Variants in CYP7B1 observed in about 807,000 individuals in gnomAD.
CYP7B1 encodes the protein cytochrome P450 family 7 subfamily B member 1.
CYP7B1 carries 29 observed loss-of-function variants against 42.7 expected under a neutral mutation model. The ratio of observed to expected loss-of-function variants is 0.68; its 90% CI spans 0.51 to 0.93. CYP7B1 has a LOEUF of 0.93. Ranked by LOEUF, CYP7B1 falls within the 40% of genes least tolerant of loss-of-function variation. CYP7B1 has a pLI of 0.00. For missense variants in CYP7B1, 655 were observed against 600.5 expected, an observed-to-expected ratio of 1.09 and a Z score of -0.95; for synonymous variants, 235 against 218.2, an observed-to-expected ratio of 1.08 and a Z score of -0.68.
intron 1 of CYP7B1, among the ~76,000 whole-genome samples, chr8:64,731,838 A>T (rs1807415666): frequency 6.6e-6 from 1 of 152,238 alleles, no homozygotes; most frequent in African/African-American, 2.4e-5. Flanking sequence ...GAGCCAAGTT[A>T]CAGCTCAGGC....
intron 1 of CYP7B1, among the ~76,000 whole-genome samples, chr8:64,669,757 C>T (rs552545328): frequency 2.0e-5 from 3 of 151,418 alleles, no homozygotes; most frequent in Non-Finnish European, 3.0e-5. Context: ...ATACACACAC[C>T]CCTCCCCAGC....
At chr8:64,673,322 T>C (rs1276869600) in intron 1 of CYP7B1, among the ~76,000 whole-genome samples, 1 of 152,182 alleles carries the variant, frequency 6.6e-6, no homozygotes, top group Non-Finnish European at 1.5e-5. Flanking sequence ...GCTTTTGCCA[T>C]GTCCCTGTTT....
intron 1 of CYP7B1, among the ~76,000 whole-genome samples, chr8:64,778,053 T>C (rs1473982270): frequency 6.6e-6 from 1 of 151,664 alleles, no homozygotes. Flanking sequence ...TCAAAAGTCC[T>C]TACCCTTCTT....
At chr8:64,735,167 T>A (rs561271380) in intron 1 of CYP7B1, among the ~76,000 whole-genome samples, 8 of 152,184 alleles carry the variant, frequency 5.3e-5, no homozygotes, top group Admixed American at 6.5e-5. Flanking sequence ...TCCCTCAATA[T>A]CTATATATTT....
intron 2 of CYP7B1, among the ~76,000 whole-genome samples, chr8:64,619,348 C>T (rs554315165): frequency 5.2e-4 from 79 of 152,296 alleles, no homozygotes; most frequent in Admixed American, 1.2e-3. Context: ...TGTCAGCAGG[C>T]ATGTTACCTA....
At chr8:64,688,997 T>G (rs969541949) in intron 1 of CYP7B1, among the ~76,000 whole-genome samples, 10 of 152,228 alleles carry the variant, frequency 6.6e-5, no homozygotes, top group Admixed American at 3.3e-4. Flanking sequence ...CGTCTGCCAT[T>G]AAGTTTAAAT....
intron 1 of CYP7B1, among the ~76,000 whole-genome samples, chr8:64,689,814 C>T (rs920098716): frequency 2.6e-5 from 4 of 152,114 alleles, no homozygotes; most frequent in Non-Finnish European, 5.9e-5. Context: ...ATGATCCACC[C>T]GCCTCATCCT....
At chr8:64,711,459 C>G (rs1447942702) in intron 1 of CYP7B1, among the ~76,000 whole-genome samples, 1 of 152,128 alleles carries the variant, frequency 6.6e-6, no homozygotes, top group Non-Finnish European at 1.5e-5. Flanking sequence ...GGTGAGGTGC[C>G]AAGGGAAGGC....
chr8:64,661,039 T>C (rs938565964), intron 1 of CYP7B1, among the ~76,000 whole-genome samples: 6 of 152,230 alleles, frequency 3.9e-5, no homozygotes, highest in Non-Finnish European at 8.8e-5. Context: ...AGAAGCTTAA[T>C]GGAAGCCTGC....
intron 1 of CYP7B1, among the ~76,000 whole-genome samples, chr8:64,753,671 C>T (rs1807764258): frequency 6.6e-6 from 1 of 152,246 alleles, no homozygotes; most frequent in Admixed American, 6.5e-5. Context: ...AACCAGTACA[C>T]AAATACATTA....
intron 1 of CYP7B1, among the ~76,000 whole-genome samples, chr8:64,794,583 G>A (rs1239699609): frequency 3.9e-5 from 6 of 152,132 alleles, no homozygotes; most frequent in Non-Finnish European, 8.8e-5. Flanking sequence ...AGGGGCAAGG[G>A]AGCCCTTTGG....
intron 1 of CYP7B1, among the ~76,000 whole-genome samples, chr8:64,756,868 T>C (rs573178135): frequency 6.6e-6 from 1 of 152,294 alleles, no homozygotes; most frequent in African/African-American, 2.4e-5. Context: ...AAAATAACAG[T>C]GCATTTTCTA....
chr8:64,714,027 G>C (rs1028549360), intron 1 of CYP7B1, among the ~76,000 whole-genome samples: 1 of 152,146 alleles, frequency 6.6e-6, no homozygotes, highest in Non-Finnish European at 1.5e-5. Context: ...CTGTTTTATA[G>C]ATCAGGGCAC....
At chr8:64,671,440 T>G (rs375998444) in intron 1 of CYP7B1, among the ~76,000 whole-genome samples, 12 of 152,278 alleles carry the variant, frequency 7.9e-5, no homozygotes, top group African/African-American at 2.6e-4. Flanking sequence ...TGCGTAGAAC[T>G]CCAAGGCAAT....
intron 4 of CYP7B1, among the ~76,000 whole-genome samples, chr8:64,610,069 C>A (rs1245814556): frequency 6.6e-6 from 1 of 152,178 alleles, no homozygotes; most frequent in African/African-American, 2.4e-5. Context: ...CCCTTTTCTG[C>A]TGAGTCACAT....
intron 1 of CYP7B1, among the ~76,000 whole-genome samples, chr8:64,722,701 A>C (rs962891819): frequency 7.8e-6 from 1 of 128,870 alleles, no homozygotes; most frequent in Non-Finnish European, 1.6e-5. Context: ...ATTTAAGAAA[A>C]TCAAACAAAT....
In CYP7B1 at chr8:64,715,476, T is replaced by A. The variant is rs999637338; in HGVS notation, c.122+82990A>T. Among the ~76,000 whole-genome samples the A allele has an allele frequency of 6.6e-5, 10 of 152,332 alleles. No individual in the cohort carries two copies. In the South Asian group the frequency reaches 1.0e-3, roughly 16 times the overall value. ...TCCTCACTGTCCTGACTTCTCTCAT[T>A]GTTATCCTTGCTAGTCACTTTATTC... On this transcript the variant is annotated intron_variant, in intron 1 of 5. Coordinates refer to ENST00000310193, the MANE Select transcript of CYP7B1 (RefSeq NM_004820.5).
intron 4 of CYP7B1, among the ~76,000 whole-genome samples, chr8:64,606,343 G>A (rs193152681): frequency 2.6e-5 from 4 of 152,348 alleles, no homozygotes; most frequent in Non-Finnish European, 4.4e-5. Context: ...TGAAAAGCAA[G>A]GCTCGGCCTC....
intron 1 of CYP7B1, among the ~76,000 whole-genome samples, chr8:64,700,100 A>G (rs773374340): frequency 1.3e-5 from 2 of 152,160 alleles, no homozygotes; most frequent in Non-Finnish European, 2.9e-5. Flanking sequence ...CTGAGCAGAC[A>G]GTGGGGACGA....
Sources: allele counts gnomAD v4.1 joint callset (sites outside exome capture counted in the v4.1 genomes callset), GRCh38; gene constraint gnomAD v4.1.1; transcripts MANE v1.5; gene names NCBI Gene and HGNC (gene_info 2026-07-23, HGNC 2026-07-21).